The following CCDC102B variants were observed in gnomAD, a reference collection of about 807,000 sequenced individuals.
CCDC102B encodes coiled-coil domain-containing protein 102B.
Under a neutral mutation model 57.4 loss-of-function variants are expected in CCDC102B, and 75 were observed. That is an observed-to-expected ratio of 1.31 (90% CI 1.08 to 1.58). The LOEUF (loss-of-function observed/expected upper bound fraction) is 1.58, where lower values mean the gene tolerates loss of function less well. CCDC102B is among the 40% of genes most tolerant of loss of function. The pLI is 0.00. For missense variants in CCDC102B, 636 were observed against 582.6 expected, an observed-to-expected ratio of 1.09 and a Z score of -0.94; for synonymous variants, 206 against 201.9, an observed-to-expected ratio of 1.02 and a Z score of -0.17.
chr18:68,925,492 G>A (rs376889208), intron 6 of CCDC102B, among the ~76,000 whole-genome samples: 56 of 152,064 alleles, frequency 3.7e-4, no homozygotes, highest in Middle Eastern at 3.4e-3. Flanking sequence ...TTAGAAAAAG[G>A]AAGCACCAAG....
At chr18:68,763,739 A>G (rs1314582067) in intron 2 of CCDC102B, among the ~76,000 whole-genome samples, 2 of 133,974 alleles carry the variant, frequency 1.5e-5, no homozygotes, top group African/African-American at 6.7e-5. Flanking sequence ...ATATTCCTCA[A>G]TACAGACAAA....
At chr18:68,777,137 A>G (rs1209874947) in intron 2 of CCDC102B, among the ~76,000 whole-genome samples, 1 of 152,216 alleles carries the variant, frequency 6.6e-6, no homozygotes, top group East Asian at 1.9e-4. Context: ...GGTAGCATGA[A>G]GTAGAGCTGC....
chr18:68,981,788 CA>C (rs1269435114), intron 6 of CCDC102B, among the ~76,000 whole-genome samples: 1 of 151,808 alleles, frequency 6.6e-6, no homozygotes, highest in Non-Finnish European at 1.5e-5. Context: ...TTTAGAAAGA[CA>C]AATAGGTGTT....
intron 1 of CCDC102B, among the ~76,000 whole-genome samples, chr18:68,799,113 T>C (rs551061831): frequency 6.6e-6 from 1 of 152,162 alleles, no homozygotes; most frequent in African/African-American, 2.4e-5. Flanking sequence ...TGAGTAAATA[T>C]TCTCTTGTTA....
chr18:68,795,275 A>T (rs1393749372), upstream of CCDC102B, among the ~76,000 whole-genome samples: 3 of 152,158 alleles, frequency 2.0e-5, no homozygotes, highest in Non-Finnish European at 4.4e-5. Flanking sequence ...ATTGGAGATT[A>T]TTGAAAGATT....
intron 6 of CCDC102B, among the ~76,000 whole-genome samples, chr18:68,970,251 G>A (rs74846122): frequency 0.028 from 4,278 of 152,024 alleles, 132 homozygotes; most frequent in South Asian, 0.16. Flanking sequence ...TAGATAACAT[G>A]TATTTCCTAC....
intron 6 of CCDC102B, among the ~76,000 whole-genome samples, chr18:68,957,840 C>A (rs2049942574): frequency 6.6e-6 from 1 of 151,922 alleles, no homozygotes; most frequent in Non-Finnish European, 1.5e-5. Flanking sequence ...TTGGTTAATT[C>A]CTAGACTTTT....
intron 6 of CCDC102B, among the ~76,000 whole-genome samples, chr18:68,952,006 GA>G (rs1370827780): frequency 1.3e-5 from 2 of 151,960 alleles, no homozygotes; most frequent in Non-Finnish European, 2.9e-5. Flanking sequence ...AAATTCTAAA[GA>G]ATACTAATGA....
intron 6 of CCDC102B, among the ~76,000 whole-genome samples, chr18:68,956,421 TATATTATAC>T (rs796458010): frequency 0.027 from 1,555 of 57,042 alleles, 159 homozygotes; most frequent in African/African-American, 0.066. Context: ...ATATATTATA[TATATTATAC>T]ATTTTATATA....
chr18:68,733,506 A>ATTTT (rs36101856), intron 2 of CCDC102B, among the ~76,000 whole-genome samples: 1 of 87,644 alleles, frequency 1.1e-5, no homozygotes, highest in Non-Finnish European at 2.3e-5. Flanking sequence ...ATATATATAT[A>ATTTT]TTTTTTTAAC....
chr18:68,860,702 T>C (rs1352791332), intron 4 of CCDC102B, among the ~76,000 whole-genome samples: 2 of 101,576 alleles, frequency 2.0e-5, no homozygotes, highest in Non-Finnish European at 4.4e-5. Flanking sequence ...ACCTTGTCAG[T>C]GATGCTCTCC....
At chr18:69,025,564 T>C (rs1232979087) in intron 7 of CCDC102B, among the ~76,000 whole-genome samples, 1 of 152,230 alleles carries the variant, frequency 6.6e-6, no homozygotes, top group Non-Finnish European at 1.5e-5. Context: ...ACACATTTTA[T>C]TGCTCTACCA....
At chr18:68,767,062 A>C (rs1002516072) in intron 2 of CCDC102B, among the ~76,000 whole-genome samples, 1 of 152,236 alleles carries the variant, frequency 6.6e-6, no homozygotes, top group African/African-American at 2.4e-5. Flanking sequence ...GCTCCTTGAA[A>C]TAATTTTGAA....
intron 4 of CCDC102B, among the ~76,000 whole-genome samples, chr18:68,869,445 G>T (rs1479697027): frequency 3.3e-5 from 5 of 152,214 alleles, no homozygotes; most frequent in Non-Finnish European, 5.9e-5. Flanking sequence ...ATATTGTGTG[G>T]TGGAAAGTCT....
At chr18:68,975,109 A>G (rs2050399529) in intron 6 of CCDC102B, among the ~76,000 whole-genome samples, 1 of 152,008 alleles carries the variant, frequency 6.6e-6, no homozygotes, top group Non-Finnish European at 1.5e-5. Flanking sequence ...GAAAAATTAC[A>G]AGCAGCAGCA....
chr18:68,837,887 T>G (rs1243307470), intron 2 of CCDC102B, among the ~76,000 whole-genome samples: 2 of 152,204 alleles, frequency 1.3e-5, no homozygotes, highest in South Asian at 2.1e-4. Context: ...GTCAAAATAT[T>G]ATAGTACAGA....
At chr18:68,803,788 C>A (rs2144690385) in intron 1 of CCDC102B, among the ~76,000 whole-genome samples, 2 of 152,142 alleles carry the variant, frequency 1.3e-5, no homozygotes, top group Admixed American at 1.3e-4. Context: ...TTTAAAAGGG[C>A]TCTTCATACC....
chr18:68,953,851 G>A (rs1204198860), intron 6 of CCDC102B, among the ~76,000 whole-genome samples: 2 of 151,912 alleles, frequency 1.3e-5, no homozygotes, highest in Admixed American at 6.6e-5. Flanking sequence ...GTTTGTTGTT[G>A]GGTTCATGGG....
At chr18:68,950,211 G>A (rs2049656697) in intron 6 of CCDC102B, among the ~76,000 whole-genome samples, 1 of 152,054 alleles carries the variant, frequency 6.6e-6, no homozygotes, top group Admixed American at 6.6e-5. Flanking sequence ...ATGTAAATAT[G>A]AGAAAGTGTT....
Sources: allele counts gnomAD v4.1 joint callset (sites outside exome capture counted in the v4.1 genomes callset), GRCh38; gene constraint gnomAD v4.1.1; transcripts MANE v1.5; gene names NCBI Gene and HGNC (gene_info 2026-07-23, HGNC 2026-07-21).